Variants in SERPINA12 observed in about 807,000 individuals in gnomAD.
The protein encoded by SERPINA12 is serpin A12.
A neutral mutation model predicts 25.9 loss-of-function variants in SERPINA12; 21 were observed. The ratio of observed to expected loss-of-function variants is 0.81; its 90% CI spans 0.58 to 1.17. The LOEUF (loss-of-function observed/expected upper bound fraction) is 1.17, where lower values mean the gene tolerates loss of function less well. Ranked by LOEUF, SERPINA12 falls within the 50% of genes most tolerant of loss-of-function variation. The pLI, the probability that SERPINA12 is intolerant of heterozygous loss-of-function variation, is 0.00. For synonymous variants in SERPINA12, 220 were observed against 196.0 expected (o/e 1.12, Z -1.02); for missense variants, 562 against 508.3 (o/e 1.11, Z -1.02).
chr14:94,497,370 C>A (rs1900477444), intron 2 of SERPINA12, among the ~76,000 whole-genome samples: 1 of 152,190 alleles, frequency 6.6e-6, no homozygotes, highest in South Asian at 2.1e-4. Flanking sequence ...AGTGCTAGGG[C>A]CAGGAGAAAT....
chr14:94,490,116 AGAAGACCTGACACTG>A (rs1306209905), intron 3 of SERPINA12, among the ~76,000 whole-genome samples: 1 of 152,108 alleles, frequency 6.6e-6, no homozygotes, highest in Non-Finnish European at 1.5e-5. Context: ...TCCTGACCCC[AGAAGACCTGACACTG>A]GAGGGAACAA....
intron 1 of SERPINA12, among the ~76,000 whole-genome samples, chr14:94,498,754 T>C (rs1478909902): frequency 6.6e-6 from 1 of 152,180 alleles, no homozygotes; most frequent in Non-Finnish European, 1.5e-5. Context: ...AGTGTAGGCA[T>C]ATGGCCCAGA....
chr14:94,510,324 CAGAGGAT>C, upstream of SERPINA12: 1 of 933,462 alleles, frequency 1.1e-6, no homozygotes, highest in Non-Finnish European at 1.3e-6. Context: ...AGCAGAACAA[CAGAGGAT>C]ATAAAAAAAG....
At chr14:94,489,838 G>T in intron 3 of SERPINA12, 71 bp from the exon 4 acceptor site, 1 of 1,487,210 alleles carries the variant, frequency 6.7e-7, no homozygotes, top group South Asian at 1.2e-5. Context: ...CAGGATACAT[G>T]ACCAATGAAA....
chr14:94,489,873 T>C, intron 3 of SERPINA12, 106 bp from the exon 4 acceptor site: 1 of 1,100,670 alleles, frequency 9.1e-7, no homozygotes, highest in South Asian at 1.5e-5. Context: ...GCCCCAAAGG[T>C]CTCCAATCTC....
chr14:94,507,612 TCATCAGAAA>T (rs1328730259), intron 1 of SERPINA12, among the ~76,000 whole-genome samples: 4 of 152,182 alleles, frequency 2.6e-5, no homozygotes, highest in African/African-American at 4.8e-5. Flanking sequence ...ACATCATTAA[TCATCAGAAA>T]CATGCAAAAC....
intron 1 of SERPINA12, among the ~76,000 whole-genome samples, chr14:94,499,328 C>A (rs1369701456): frequency 6.6e-6 from 1 of 152,180 alleles, no homozygotes; most frequent in East Asian, 1.9e-4. Flanking sequence ...CTCCTTTCAT[C>A]CACCTCTCAG....
intron 3 of SERPINA12, among the ~76,000 whole-genome samples, chr14:94,495,068 T>TTA (rs1900343128): frequency 7.3e-6 from 1 of 136,238 alleles, no homozygotes; most frequent in African/African-American, 2.8e-5. Flanking sequence ...CCCTTTCTTT[T>TTA]TTTTTTTTTT....
chr14:94,507,688 C>A (rs1326927177), intron 1 of SERPINA12, among the ~76,000 whole-genome samples: 1 of 152,166 alleles, frequency 6.6e-6, no homozygotes, highest in Admixed American at 6.5e-5. Context: ...TTAAAAGGAC[C>A]AGCCACACGA....
upstream of SERPINA12, among the ~76,000 whole-genome samples, chr14:94,514,176 A>G (rs1901175583): frequency 6.6e-6 from 1 of 152,210 alleles, no homozygotes; most frequent in Admixed American, 6.5e-5. Flanking sequence ...TTGTTGTTTT[A>G]TTATTATCAA....
At chr14:94,510,109 AC>A, upstream of SERPINA12, 2 of 985,366 alleles carry the variant, frequency 2.0e-6, no homozygotes, top group Non-Finnish European at 2.4e-6. Flanking sequence ...CTCATAATGC[AC>A]CTGGTGGCTG....
rs117202168 is a variant in SERPINA12, at chr14:94,491,104, A to G, written c.906-1337T>C. 9.3e-3 allele frequency among the ~76,000 whole-genome samples: 1,414 copies of G among 152,234 alleles called. 15 individuals are homozygous for G. The highest frequency in any genetic ancestry group is 0.015 in the Non-Finnish European group (1,032 of 68,012). On this transcript the variant is annotated intron_variant, in intron 3 of 4. Coordinates refer to ENST00000677451, the MANE Select transcript of SERPINA12 (RefSeq NM_001382267.1). ...CTCAACAAACATTTATTAAATCTCT[A>G]CTGTATACCAGGTGCTGTTCTAGGT...
intron 4 of SERPINA12, among the ~76,000 whole-genome samples, chr14:94,488,698 C>T (rs1900009192): frequency 6.6e-6 from 1 of 152,220 alleles, no homozygotes; most frequent in South Asian, 2.1e-4. Flanking sequence ...ATATGGTGCT[C>T]TCTTCTTGCC....
chr14:94,487,732 TG>T (rs1368739270), intron 4 of SERPINA12, among the ~76,000 whole-genome samples: 3 of 151,404 alleles, frequency 2.0e-5, no homozygotes, highest in Admixed American at 2.0e-4. Flanking sequence ...CGGGAGTCGG[TG>T]GGGGGAGAGA....
At chr14:94,512,077 G>T (rs928501505), upstream of SERPINA12, among the ~76,000 whole-genome samples, 2 of 151,898 alleles carry the variant, frequency 1.3e-5, no homozygotes, top group African/African-American at 2.4e-5. Context: ...CAGCCTGGGT[G>T]ACAGTGATAC....
upstream of SERPINA12, among the ~76,000 whole-genome samples, chr14:94,513,186 C>A (rs1464708970): frequency 6.6e-6 from 1 of 152,204 alleles, no homozygotes; most frequent in Admixed American, 6.5e-5. Context: ...GGCTGGTAAG[C>A]AGGTCACCCT....
At chr14:94,491,662 A>T (rs1900185122) in intron 3 of SERPINA12, among the ~76,000 whole-genome samples, 1 of 152,096 alleles carries the variant, frequency 6.6e-6, no homozygotes, top group African/African-American at 2.4e-5. Context: ...TGAATGAGGC[A>T]TTTGAGGGTG....
chr14:94,498,224 C>T lies in SERPINA12; in HGVS notation c.174G>A (p.Lys58=), dbSNP rs1472789894. The change falls in exon 2 of 5, where the codon AAG becomes AAA. Residue 58 remains lysine (K), a synonymous_variant. Coordinates refer to ENST00000677451, the MANE Select transcript of SERPINA12 (RefSeq NM_001382267.1). ...LARQNMDLGF[K]LLKKLAFYNP... is the part of the protein sequence containing the mutation. ...TGTAAAAGGCCAGCTTCTTGAGCAGCTTAAAGCCTAAGTCCATGTTCTGCC... is the reference window on the plus strand; with the variant it reads ...TGTAAAAGGCCAGCTTCTTGAGCAGTTTAAAGCCTAAGTCCATGTTCTGCC... 1 of 1,614,186 alleles carries T rather than the reference C, an allele frequency of 6.2e-7. No homozygotes were observed. The highest frequency in any genetic ancestry group is 1.1e-5 in the South Asian group (1 of 91,082).
At position 94,487,430 on chromosome 14, in the gene SERPINA12, G is replaced by A. The variant is rs138209155; in HGVS notation, c.1118C>T (p.Ala373Val). ...RGTEGAAGTGAQTLPMETPLV... is the reference protein window; with the variant it reads ...RGTEGAAGTGVQTLPMETPLV... ...TGGTGTCTCCATGGGCAGAGTCTGTGCTCCGGTGCCAGCGGCCCCTTCCGT... is the reference window on the plus strand; with the variant it reads ...TGGTGTCTCCATGGGCAGAGTCTGTACTCCGGTGCCAGCGGCCCCTTCCGT... The change falls in exon 5 of 5, where the codon GCA (alanine) becomes GTA (valine). Residue 373 changes from alanine to valine, a missense_variant. Coordinates refer to ENST00000677451, the MANE Select transcript of SERPINA12 (RefSeq NM_001382267.1). 1,419 of 1,614,102 alleles carry A rather than the reference G, an allele frequency of 8.8e-4. 2 individuals carry two copies. Among genetic ancestry groups the A allele is most frequent in the Non-Finnish European group, 1.1e-3 (1,263 of 1,179,998 alleles).
Sources: gnomAD v4.1 joint callset for allele counts (sites outside exome capture counted in the v4.1 genomes callset) on GRCh38, gnomAD v4.1.1 for gene constraint, MANE v1.5 for transcripts, NCBI Gene and HGNC (gene_info 2026-07-23, HGNC 2026-07-21) for gene names.